CCDC93: variants seen among roughly 807,000 people sequenced by gnomAD.
CCDC93 encodes coiled-coil domain-containing protein 93.
CCDC93 carries 61 observed loss-of-function variants against 108.2 expected under a neutral mutation model. That is an observed-to-expected ratio of 0.56 (90% confidence interval 0.46 to 0.70). CCDC93 has a LOEUF of 0.70. Among genes scored for constraint, CCDC93 ranks in the 30% least tolerant of loss-of-function variants. The pLI is 0.00. For missense variants in CCDC93, 685 were observed against 764.2 expected, an observed-to-expected ratio of 0.90 and a Z score of 1.22; for synonymous variants, 276 against 260.4, an observed-to-expected ratio of 1.06 and a Z score of -0.58.
At position 117,998,990 on chromosome 2, in the gene CCDC93, C is replaced by T. The variant is rs536407718; in HGVS notation, c.363+1831G>A. The T allele has an allele frequency of 5.3e-5, 8 of 152,290 alleles. No individual in the cohort carries two copies. The South Asian group carries it at 1.7e-3, about 32-fold the overall frequency. The allele number at this position is 152,290 out of a possible 1,614,324, so 9.4% of individuals were successfully genotyped here. A position where few individuals can be genotyped will look rare whatever the true frequency, so the allele number is the denominator to read the frequency against. On this transcript the variant is annotated intron_variant, in intron 4 of 23. Transcript: ENST00000376300. ...CTTTGAAGTCTAGCAGAGGGGAAGA[C>T]TCAACACATAACAGTAACAAACTAT... is the stretch of plus-strand genomic sequence containing the variant.
At chr2:117,975,113 C>A in intron 9 of CCDC93, 75 bp downstream of exon 9, 3 of 1,338,694 alleles carry the variant, frequency 2.2e-6, no homozygotes, top group Non-Finnish European at 3.2e-6. Flanking sequence ...CATTTGGGAA[C>A]GCTAGGGATA....
At chr2:118,000,677 ACAC>A in intron 4 of CCDC93, 141 bp downstream of exon 4, 1 of 590,262 alleles carries the variant, frequency 1.7e-6, no homozygotes, top group Non-Finnish European at 3.0e-6. Context: ...ACGACAACGA[ACAC>A]CACCATGTTC....
intron 22 of CCDC93, 40 bp downstream of exon 22, chr2:117,935,455 A>G (rs1678491405): frequency 2.7e-6 from 4 of 1,493,876 alleles, no homozygotes; most frequent in Non-Finnish European, 3.7e-6. Context: ...TGTCACCACT[A>G]TAAAACCTGG....
intron 3 of CCDC93, among the ~76,000 whole-genome samples, chr2:118,002,038 T>C (rs902456303): frequency 2.6e-5 from 4 of 152,094 alleles, no homozygotes; most frequent in Non-Finnish European, 5.9e-5. Context: ...TCAGCCTACA[T>C]GAATAGGTTA....
chr2:117,976,448 T>TA (rs1205570383), intron 8 of CCDC93, among the ~76,000 whole-genome samples: 1 of 151,868 alleles, frequency 6.6e-6, no homozygotes, highest in Non-Finnish European at 1.5e-5. Context: ...TTCAGTTGAC[T>TA]AAAAAAACAC....
chr2:117,951,139 G>C, intron 13 of CCDC93: 2 of 983,652 alleles, frequency 2.0e-6, no homozygotes, highest in Non-Finnish European at 2.4e-6. Flanking sequence ...AAGATATTTT[G>C]CCTTTAATCT....
In CCDC93 at chr2:118,000,832, G is replaced by T; in HGVS notation, c.352C>A (p.Pro118Thr). The change falls in exon 4 of 24, where the codon CCT becomes ACT. Residue 118 changes from proline (P) to threonine (T), a missense_variant. By Grantham distance (38) the Pro-to-Thr change is conservative. Transcript: ENST00000376300. ...IQGMDFIHIF[P>T]VVQWLVKRAI... is the part of the protein sequence containing the mutation. ...ACAGAGGCTCTCACCTGAACAACAG[G>T]AAATATGTGAATAAAATCCATCCCC... 7.5e-6 allele frequency: 12 copies of T among 1,609,280 alleles called. No homozygotes were observed. Among genetic ancestry groups the T allele is most frequent in the Non-Finnish European group, 1.0e-5 (12 of 1,175,724 alleles).
At chr2:117,991,314 C>G (rs1408231055) in intron 6 of CCDC93, among the ~76,000 whole-genome samples, 1 of 152,046 alleles carries the variant, frequency 6.6e-6, no homozygotes, top group African/African-American at 2.4e-5. Context: ...AGGAGAGGAC[C>G]CAACCACTCT....
intron 11 of CCDC93, 44 bp from the exon 12 acceptor site, chr2:117,958,525 G>A: frequency 2.6e-6 from 3 of 1,158,026 alleles, no homozygotes; most frequent in Non-Finnish European, 3.9e-6. Context: ...TTAGTTAGTT[G>A]ACCTTGGTTC....
In CCDC93 at chr2:117,920,181, A is replaced by G; in HGVS notation, c.*162T>C. 1 of 539,816 alleles carries G rather than the reference A, an allele frequency of 1.9e-6. No individual in the cohort carries two copies. The highest frequency in any genetic ancestry group is 3.4e-6 in the Non-Finnish European group (1 of 297,876). The allele number at this position is 539,816 out of a possible 1,614,324, so 33.4% of individuals were successfully genotyped here. On this transcript the variant is annotated 3_prime_UTR_variant, in exon 24 of 24. Coordinates refer to ENST00000376300, the MANE Select transcript of CCDC93 (RefSeq NM_019044.5). ...TCTGACTCCATCAACAGCAGCCAAC[A>G]GAGATGAATGGAAGCAAAGAGGAGA...
At chr2:117,950,896 T>C (rs1199999462) in intron 13 of CCDC93, 4 of 985,290 alleles carry the variant, frequency 4.1e-6, no homozygotes, top group Non-Finnish European at 4.8e-6. Flanking sequence ...CTGCCTTAGC[T>C]TTCCCATCTG....
intron 3 of CCDC93, among the ~76,000 whole-genome samples, chr2:118,001,702 G>A (rs1468604201): frequency 1.3e-5 from 2 of 151,910 alleles, no homozygotes; most frequent in Non-Finnish European, 2.9e-5. Flanking sequence ...TAGGTCAGGA[G>A]GAAAGCATCC....
At chr2:117,954,300 AAG>A (rs1045287180) in intron 12 of CCDC93, among the ~76,000 whole-genome samples, 3 of 152,170 alleles carry the variant, frequency 2.0e-5, no homozygotes, top group African/African-American at 7.2e-5. Context: ...GGCCCAAGGA[AAG>A]AGAGTTAGCT....
At chr2:117,937,492 G>A (rs372733357) in intron 20 of CCDC93, among the ~76,000 whole-genome samples, 28 of 152,266 alleles carry the variant, frequency 1.8e-4, no homozygotes, top group African/African-American at 5.8e-4. Context: ...ACTATCATAG[G>A]CATAAATCCA....
intron 6 of CCDC93, among the ~76,000 whole-genome samples, chr2:117,993,170 G>A (rs1352270853): frequency 6.6e-6 from 1 of 152,168 alleles, no homozygotes; most frequent in African/African-American, 2.4e-5. Context: ...GCCGAGGTGG[G>A]CGGACCTCGA....
Position 117,971,422 on chromosome 2 carries a change from T to C in CCDC93, c.888+2486A>G, listed in dbSNP as rs1280564133. Among the ~76,000 whole-genome samples, 6 of 151,378 alleles carry C rather than the reference T, an allele frequency of 4.0e-5. No individual in the cohort carries two copies. In the East Asian group the frequency reaches 1.2e-3, roughly 29 times the overall value. On this transcript the variant is annotated intron_variant, in intron 11 of 23. Transcript: ENST00000376300. ...ACACACTTAGAAAAATAAAAATAAA[T>C]AAACAAACGGGAAGGCTAGAAAATA...
At chr2:117,943,943 T>G (rs940109118) in intron 18 of CCDC93, 81 bp downstream of exon 18, 9 of 930,960 alleles carry the variant, frequency 9.7e-6, no homozygotes, top group African/African-American at 1.7e-5. Context: ...TTCTTAGATA[T>G]TGAGACTTTC....
chr2:117,966,729 A>C, intron 11 of CCDC93, among the ~76,000 whole-genome samples: 1 of 152,200 alleles, frequency 6.6e-6, no homozygotes, highest in Non-Finnish European at 1.5e-5. Context: ...CCCAAGCTCT[A>C]ATTATCTGGC....
At chr2:117,937,006 G>A (rs563554431) in intron 20 of CCDC93, 12 of 469,814 alleles carry the variant, frequency 2.6e-5, no homozygotes, top group African/African-American at 2.3e-4. Context: ...GTGCTTTGAA[G>A]GGAACTGGAT....
Sources: gnomAD v4.1 joint callset for allele counts (sites outside exome capture counted in the v4.1 genomes callset) on GRCh38, gnomAD v4.1.1 for gene constraint, MANE v1.5 for transcripts, NCBI Gene and HGNC (gene_info 2026-07-23, HGNC 2026-07-21) for gene names.